The following FGF12 variants were observed in gnomAD, a reference collection of about 807,000 sequenced individuals.
The protein encoded by FGF12 is fibroblast growth factor 12B.
In FGF12, 14 loss-of-function variants were observed where a neutral mutation model predicts 23.6. That is an observed-to-expected ratio of 0.59 (90% CI 0.39 to 0.93). The LOEUF (loss-of-function observed/expected upper bound fraction) is 0.93. Ranked by LOEUF, FGF12 falls within the 40% of genes least tolerant of loss-of-function variation. The pLI, the probability that FGF12 is intolerant of heterozygous loss-of-function variation, is 0.00. For missense variants in FGF12, 175 were observed against 217.8 expected (o/e 0.80, Z 1.24); for synonymous variants, 62 against 77.3 (o/e 0.80, Z 1.04).
Position 192,157,989 on chromosome 3 carries a change from T to C in FGF12, c.427+12469A>G, listed in dbSNP as rs201407132. Among the ~76,000 whole-genome samples, 191 of 152,280 alleles carry C rather than the reference T, an allele frequency of 1.3e-3. 1 individual carries two copies. Among genetic ancestry groups the C allele is most frequent in the Non-Finnish European group, 2.2e-3 (150 of 68,020 alleles). The stretch of plus-strand genomic sequence containing the variant: ...AGAGGGTAACCTGTCCAAAGTAATA[T>C]AGCAATACAGGGCAGTCAGCTTTAA... On this transcript the variant is annotated intron_variant, in intron 5 of 5. Coordinates refer to ENST00000445105, the MANE Select transcript of FGF12 (RefSeq NM_004113.6).
intron 4 of FGF12, 94 bp from the exon 5 acceptor site, chr3:192,170,750 T>C (rs1250264377): frequency 9.4e-7 from 1 of 1,062,600 alleles, no homozygotes; most frequent in Non-Finnish European, 1.4e-6. Context: ...ATCCATGTCC[T>C]CTGTTAAGAA....
At chr3:192,512,064 A>G (rs1295722562) in intron 2 of FGF12, among the ~76,000 whole-genome samples, 1 of 152,180 alleles carries the variant, frequency 6.6e-6, no homozygotes, top group African/African-American at 2.4e-5. Context: ...CTACTGTAAC[A>G]AATTATGTTA....
rs1577194495 is a variant in FGF12 at position 192,166,798 on chromosome 3, A to C, written c.427+3660T>G. On this transcript the variant is annotated intron_variant, in intron 5 of 5. Transcript: ENST00000445105. ...ACAAAAGATAAAGACATTTATAGGG[A>C]ATGAGAAGGTGTTTGGCCTAAAACC... is the stretch of plus-strand genomic sequence containing the variant. Among the ~76,000 whole-genome samples, 4 of 152,190 alleles carry C rather than the reference A, an allele frequency of 2.6e-5. No homozygotes were observed. In the South Asian group the frequency reaches 8.3e-4, roughly 32 times the overall value.
chr3:192,523,607 C>T (rs572489152), intron 2 of FGF12, among the ~76,000 whole-genome samples: 5 of 152,204 alleles, frequency 3.3e-5, no homozygotes, highest in South Asian at 2.1e-4. Flanking sequence ...TCGTATTATC[C>T]AAGCTCTCCA....
intron 2 of FGF12, among the ~76,000 whole-genome samples, chr3:192,444,607 T>A (rs952582505): frequency 6.6e-6 from 1 of 152,202 alleles, no homozygotes; most frequent in African/African-American, 2.4e-5. Context: ...GCCATAATGC[T>A]GACAGGATCT....
In FGF12 at chr3:192,711,678, G is replaced by C. The variant is rs149520713; in HGVS notation, c.13+15503C>G. ...CCCGGTGCTCTCTGAAACATGTACC[G>C]TGTCCACTCAGGGTTAAATGGATTA... On this transcript the variant is annotated intron_variant, in intron 2 of 5. Transcript: ENST00000445105. Among the ~76,000 whole-genome samples, 185 of 152,192 alleles carry C rather than the reference G, an allele frequency of 1.2e-3. 5 individuals carry two copies. In the East Asian group the frequency reaches 0.029, roughly 24 times the overall value.
intron 2 of FGF12, among the ~76,000 whole-genome samples, chr3:192,675,846 ACCGAGG>A: frequency 6.6e-6 from 1 of 152,304 alleles, no homozygotes; most frequent in Middle Eastern, 3.4e-3. Flanking sequence ...AGTGGAAACA[ACCGAGG>A]TCTGCACAGC....
At chr3:192,694,687 A>T (rs1289898019) in intron 2 of FGF12, among the ~76,000 whole-genome samples, 2 of 152,084 alleles carry the variant, frequency 1.3e-5, no homozygotes, top group Non-Finnish European at 2.9e-5. Context: ...ACAGTAAAAT[A>T]GTATACAGCC....
intron 2 of FGF12, among the ~76,000 whole-genome samples, chr3:192,440,979 G>A (rs1576984089): frequency 6.6e-6 from 1 of 152,210 alleles, no homozygotes; most frequent in East Asian, 1.9e-4. Flanking sequence ...AATGCTCTAG[G>A]ATAAAGGACT....
chr3:192,619,720 T>C (rs1171845511), intron 2 of FGF12, among the ~76,000 whole-genome samples: 1 of 152,190 alleles, frequency 6.6e-6, no homozygotes, highest in South Asian at 2.1e-4. Context: ...AAATTGGAGA[T>C]ACATTGCTCT....
intron 4 of FGF12, among the ~76,000 whole-genome samples, chr3:192,229,905 A>T (rs1718933210): frequency 6.6e-6 from 1 of 152,168 alleles, no homozygotes; most frequent in African/African-American, 2.4e-5. Flanking sequence ...TCTGTAAAAT[A>T]AACAACTTAC....
chr3:192,358,496 G>A (rs1022859730), intron 3 of FGF12, among the ~76,000 whole-genome samples: 1 of 151,932 alleles, frequency 6.6e-6, no homozygotes, highest in African/African-American at 2.4e-5. Context: ...GTGTATGTGG[G>A]TTTGTGTGTG....
chr3:192,698,127 G>A (rs1231988928), intron 2 of FGF12, among the ~76,000 whole-genome samples: 1 of 151,910 alleles, frequency 6.6e-6, no homozygotes, highest in East Asian at 1.9e-4. Context: ...TCTATATAAA[G>A]CAGTGCTTAG....
intron 2 of FGF12, among the ~76,000 whole-genome samples, chr3:192,507,049 G>A (rs1229088722): frequency 3.9e-5 from 6 of 151,944 alleles, no homozygotes; most frequent in African/African-American, 2.4e-5. Flanking sequence ...CTGCCACCAC[G>A]CCCGGCTAAT....
intron 2 of FGF12, among the ~76,000 whole-genome samples, chr3:192,586,893 C>T (rs1256238527): frequency 6.6e-6 from 1 of 152,222 alleles, no homozygotes; most frequent in Non-Finnish European, 1.5e-5. Flanking sequence ...CTGCTGACAA[C>T]TGTACTTCTT....
intron 4 of FGF12, among the ~76,000 whole-genome samples, chr3:192,259,143 C>T (rs1269658590): frequency 6.6e-6 from 1 of 152,010 alleles, no homozygotes; most frequent in Non-Finnish European, 1.5e-5. Flanking sequence ...CTATTTCATC[C>T]TTTTTCAAGG....
chr3:192,631,069 C>A (rs779630370), intron 2 of FGF12, among the ~76,000 whole-genome samples: 8 of 152,146 alleles, frequency 5.3e-5, no homozygotes, highest in Non-Finnish European at 1.0e-4. Context: ...CAAGTCCTTG[C>A]CAGCAGCTTA....
At chr3:192,703,772 C>G (rs148318488) in intron 2 of FGF12, among the ~76,000 whole-genome samples, 1 of 152,258 alleles carries the variant, frequency 6.6e-6, no homozygotes, top group African/African-American at 2.4e-5. Flanking sequence ...TTCCTCCATG[C>G]TGTTCTCATT....
intron 2 of FGF12, among the ~76,000 whole-genome samples, chr3:192,402,107 A>G (rs1200682156): frequency 6.6e-6 from 1 of 152,248 alleles, no homozygotes; most frequent in Non-Finnish European, 1.5e-5. Flanking sequence ...CTGCTATGCT[A>G]TCACTTAAGT....
Sources: gnomAD v4.1 joint callset for allele counts (sites outside exome capture counted in the v4.1 genomes callset) on GRCh38, gnomAD v4.1.1 for gene constraint, MANE v1.5 for transcripts, NCBI Gene and HGNC (gene_info 2026-07-23, HGNC 2026-07-21) for gene names.